FAM237A: variants seen among roughly 807,000 people sequenced by gnomAD.
FAM237A encodes the protein family with sequence similarity 237 member A.
In FAM237A, 14 loss-of-function variants were observed where a neutral mutation model predicts 12.5. That is an observed-to-expected ratio of 1.12 (90% CI 0.74 to 1.75). FAM237A has a LOEUF of 1.75. FAM237A is among the 40% of genes most tolerant of loss of function. FAM237A has a pLI of 0.00. For synonymous variants in FAM237A, 85 were observed against 77.5 expected (o/e 1.10, Z -0.51); for missense variants, 240 against 211.7 (o/e 1.13, Z -0.83).
At position 206,644,341 on chromosome 2, in the gene FAM237A, C is replaced by A. The variant is rs776288360; in HGVS notation, c.105C>A (p.Ser35Arg). ...GTGTATCTCCTTTCTTCTGCCATAG[C>A]CAGACAGACTTGCTGGCTCTTAGCC... ...MCCVSPFFCHSQTDLLALSQA... is the reference protein window; with the variant it reads ...MCCVSPFFCHRQTDLLALSQA... The change falls in exon 2 of 3, where the codon AGC (serine) becomes AGA (arginine). Residue 35 changes from serine (S) to arginine (R), a missense_variant. Coordinates refer to ENST00000441223, the MANE Select transcript of FAM237A (RefSeq NM_001102659.3). 4.3e-6 allele frequency: 7 copies of A among 1,613,464 alleles called. No individual in the cohort carries two copies. The South Asian group carries it at 6.6e-5, about 15-fold the overall frequency.
chr2:206,648,017 C>T (rs1415330244), intron 2 of FAM237A, among the ~76,000 whole-genome samples: 2 of 152,128 alleles, frequency 1.3e-5, no homozygotes, highest in Non-Finnish European at 2.9e-5. Context: ...ATATTTTAAA[C>T]ACTAACCACA....
chr2:206,645,094 C>T (rs1699302396), intron 2 of FAM237A, among the ~76,000 whole-genome samples: 1 of 152,146 alleles, frequency 6.6e-6, no homozygotes, highest in Non-Finnish European at 1.5e-5. Flanking sequence ...CCTTGTTAAA[C>T]TGAAAATAAA....
Position 206,642,692 on chromosome 2 carries a change from G to T in FAM237A, c.-11+110G>T, listed in dbSNP as rs1471876662. ...GACTCAGCGCGGGGCTCGTAGCGGGGTGCACGGAGGACTCTAGGTTCAAGG... is the reference window on the plus strand; with the variant it reads ...GACTCAGCGCGGGGCTCGTAGCGGGTTGCACGGAGGACTCTAGGTTCAAGG... On this transcript the variant is annotated intron_variant, in intron 1 of 2. Coordinates refer to ENST00000441223, the MANE Select transcript of FAM237A (RefSeq NM_001102659.3). The surrounding 1 kb of genome is among the most constrained non-coding windows in gnomAD (Gnocchi z 5.1). The T allele has an allele frequency of 6.6e-6, 1 of 152,538 alleles. No individual in the cohort carries two copies. The highest frequency in any genetic ancestry group is 1.5e-5 in the Non-Finnish European group (1 of 68,308). 9.4% of individuals were successfully genotyped at this position (152,538 alleles called of 1,614,324 possible).
intron 2 of FAM237A, among the ~76,000 whole-genome samples, chr2:206,645,587 A>G (rs1699308052): frequency 6.6e-6 from 1 of 152,206 alleles, no homozygotes; most frequent in Non-Finnish European, 1.5e-5. Context: ...GAATTGTTAC[A>G]TATTCCTGTA....
chr2:206,648,606 A>G, intron 2 of FAM237A, 55 bp from the exon 3 acceptor site: 1 of 1,508,252 alleles, frequency 6.6e-7, no homozygotes, highest in South Asian at 1.3e-5. Flanking sequence ...ATTGATATTT[A>G]ATTAACCTGA....
intron 1 of FAM237A, among the ~76,000 whole-genome samples, chr2:206,643,126 C>T (rs184240036): frequency 1.3e-5 from 2 of 152,266 alleles, no homozygotes; most frequent in African/African-American, 2.4e-5. Context: ...TCAGAAGAGA[C>T]AGATTATCCA....
At chr2:206,646,750 A>G (rs1699322445) in intron 2 of FAM237A, among the ~76,000 whole-genome samples, 1 of 152,238 alleles carries the variant, frequency 6.6e-6, no homozygotes. Context: ...TTACAGGAAC[A>G]TTGAGATTTC....
In FAM237A at chr2:206,648,836, A is replaced by G; in HGVS notation, c.*42A>G. 2.2e-6 allele frequency: 3 copies of G among 1,391,920 alleles called. No homozygotes were observed. Among genetic ancestry groups the G allele is most frequent in the Non-Finnish European group, 1.9e-6 (2 of 1,048,486 alleles). The allele number at this position is 1,391,920 out of a possible 1,614,324, so 86.2% of individuals were successfully genotyped here. On this transcript the variant is annotated 3_prime_UTR_variant, in exon 3 of 3. Coordinates refer to ENST00000441223, the MANE Select transcript of FAM237A (RefSeq NM_001102659.3). The stretch of plus-strand genomic sequence containing the variant: ...ATTCATGCCTTGGAATTAAATATAC[A>G]TATATATAACATTTTTCTTAACTAT...
intron 2 of FAM237A, among the ~76,000 whole-genome samples, chr2:206,645,521 A>G (rs1200608468): frequency 6.6e-6 from 1 of 152,198 alleles, no homozygotes; most frequent in Non-Finnish European, 1.5e-5. Flanking sequence ...AATTATATAT[A>G]CAACAGTAGA....
rs1699355273 is a variant in FAM237A at position 206,649,145 on chromosome 2, A to G, written c.*351A>G. 6.5e-6 allele frequency: 1 copy of G among 154,596 alleles called. No homozygotes were observed. Among genetic ancestry groups the G allele is most frequent in the Non-Finnish European group, 1.4e-5 (1 of 69,922 alleles). The allele number at this position is 154,596 out of a possible 1,614,324, so 9.6% of individuals were successfully genotyped here. A position where few individuals can be genotyped will look rare whatever the true frequency, so the allele number is the denominator to read the frequency against. ...TGTGCCATACATTTAACTTGAATAC[A>G]CTGCATGGCTTCCAAGACTTCAACC... On this transcript the variant is annotated 3_prime_UTR_variant, in exon 3 of 3. Transcript: ENST00000441223.
intron 2 of FAM237A, among the ~76,000 whole-genome samples, chr2:206,646,049 T>A (rs1272917262): frequency 6.6e-6 from 1 of 152,108 alleles, no homozygotes; most frequent in Non-Finnish European, 1.5e-5. Context: ...ACGCCTGTAA[T>A]CCCAGCACTT....
intron 2 of FAM237A, among the ~76,000 whole-genome samples, chr2:206,647,632 G>GACACACAGAC (rs1553569914): frequency 3.6e-5 from 5 of 139,656 alleles, no homozygotes; most frequent in East Asian, 2.2e-4. Flanking sequence ...GAGACACACA[G>GACACACAGAC]ACACACACAC....
chr2:206,644,665 C>A lies in FAM237A; in HGVS notation c.412+17C>A. On this transcript the variant is annotated intron_variant, in intron 2 of 2. Coordinates refer to ENST00000441223, the MANE Select transcript of FAM237A (RefSeq NM_001102659.3). ...GTAAACAAGGTGGTCAACCCCAGCT[C>A]CCATGTCTTTTGAAAGGGTCAATCA... 6.5e-7 allele frequency: 1 copy of A among 1,530,340 alleles called. No homozygotes were observed. Among genetic ancestry groups the A allele is most frequent in the Non-Finnish European group, 8.7e-7 (1 of 1,143,574 alleles). The allele number at this position is 1,530,340 out of a possible 1,614,324, so 94.8% of individuals were successfully genotyped here.
chr2:206,648,514 A>G (rs988832977), intron 2 of FAM237A, 147 bp from the exon 3 acceptor site: 1 of 750,306 alleles, frequency 1.3e-6, no homozygotes, highest in Non-Finnish European at 2.0e-6. Context: ...ACACACTTAC[A>G]TATATTCCTC....
intron 1 of FAM237A, among the ~76,000 whole-genome samples, chr2:206,643,740 G>C (rs958175616): frequency 2.0e-5 from 3 of 151,976 alleles, no homozygotes; most frequent in Non-Finnish European, 2.9e-5. Context: ...TGACAATTCT[G>C]ATGTATTTTT....
chr2:206,644,287 C>G lies in FAM237A; in HGVS notation c.51C>G (p.Thr17=), dbSNP rs1174342288. ...RGGIHRPLSF[T]CSLLIVGMCC... ...GGATCCACCGCCCCTTGAGCTTCACCTGCTCCCTGCTCATTGTGGGAATGT... is the reference window on the plus strand; with the variant it reads ...GGATCCACCGCCCCTTGAGCTTCACGTGCTCCCTGCTCATTGTGGGAATGT... The change falls in exon 2 of 3, where the codon ACC becomes ACG. Residue 17 remains threonine (T), a synonymous_variant. Transcript: ENST00000441223. 6.2e-7 allele frequency: 1 copy of G among 1,612,626 alleles called. No homozygotes were observed. Among genetic ancestry groups the G allele is most frequent in the Non-Finnish European group, 8.5e-7 (1 of 1,179,286 alleles).
chr2:206,646,862 A>G (rs1332155214), intron 2 of FAM237A, among the ~76,000 whole-genome samples: 1 of 152,098 alleles, frequency 6.6e-6, no homozygotes, highest in African/African-American at 2.4e-5. Context: ...CGGGGATAAT[A>G]TGTTGTTAGG....
intron 2 of FAM237A, among the ~76,000 whole-genome samples, chr2:206,645,399 G>A (rs541223807): frequency 2.0e-5 from 3 of 152,300 alleles, no homozygotes; most frequent in African/African-American, 7.2e-5. Flanking sequence ...TGAGTAAGCA[G>A]AGAGATGCCT....
rs374308736 is a variant in FAM237A, at chr2:206,646,863, T to A, written c.413-1798T>A. On this transcript the variant is annotated intron_variant, in intron 2 of 2. Coordinates refer to ENST00000441223, the MANE Select transcript of FAM237A (RefSeq NM_001102659.3). ...TTTCTTTTGTCCCTCGGGGATAATA[T>A]GTTGTTAGGTTGGGACGGGAGTGAA... Among the ~76,000 whole-genome samples, 180 of 152,294 alleles carry A rather than the reference T, an allele frequency of 1.2e-3. 2 individuals are homozygous for A. The highest frequency in any genetic ancestry group is 4.3e-3 in the African/African-American group (177 of 41,562).
Sources: allele counts gnomAD v4.1 joint callset (sites outside exome capture counted in the v4.1 genomes callset), GRCh38; gene constraint gnomAD v4.1.1; non-coding constraint Gnocchi (gnomAD v3.1); transcripts MANE v1.5; gene names NCBI Gene and HGNC (gene_info 2026-07-23, HGNC 2026-07-21).